ACOT9: variants seen among roughly 807,000 people sequenced by gnomAD.
ACOT9 encodes acyl-coenzyme A thioesterase 9, mitochondrial.
In ACOT9, 34 loss-of-function variants were observed where a neutral mutation model predicts 39.7. The ratio of observed to expected loss-of-function variants is 0.86; its 90% CI spans 0.65 to 1.14. The LOEUF (loss-of-function observed/expected upper bound fraction) is 1.14, where lower values mean the gene tolerates loss of function less well. ACOT9 is among the 50% of genes most tolerant of loss of function. The pLI, the probability that ACOT9 is intolerant of heterozygous loss-of-function variation, is 0.00. For missense variants in ACOT9, 313 were observed against 344.1 expected, an observed-to-expected ratio of 0.91 and a Z score of 0.71; for synonymous variants, 110 against 120.5, an observed-to-expected ratio of 0.91 and a Z score of 0.57.
At chrX:23,727,663 T>C (rs1253795710) in intron 6 of ACOT9, among the ~76,000 whole-genome samples, 2 of 109,287 alleles carry the variant, frequency 1.8e-5, no homozygotes, top group African/African-American at 3.3e-5. Flanking sequence ...TAGAGAAAAG[T>C]AGTTGCTAGG....
At chrX:23,718,593 G>T (rs1280274145) in intron 8 of ACOT9, among the ~76,000 whole-genome samples, 2 of 112,059 alleles carry the variant, frequency 1.8e-5, no homozygotes, top group African/African-American at 3.2e-5. Flanking sequence ...AATTAACCAA[G>T]AATATTTTTT....
chrX:23,731,007 A>G (rs371970380), intron 4 of ACOT9, 21 bp from the exon 5 acceptor site: 1 of 1,193,327 alleles, frequency 8.4e-7, no homozygotes, highest in East Asian at 3.0e-5. Context: ...AGGATGCAGG[A>G]TTCATAAAAC....
chrX:23,706,664 G>C lies in ACOT9; in HGVS notation c.806C>G (p.Thr269Ser). 8.3e-7 allele frequency: 1 copy of C among 1,205,791 alleles called. No individual in the cohort carries two copies. The highest frequency in any genetic ancestry group is 1.1e-6 in the Non-Finnish European group (1 of 892,033). ...TGTGCTGAGAAACATCTCATGTATGGTGGTCCTCTCCTCAGCGCTGGGGGC... is the reference window on the plus strand; with the variant it reads ...TGTGCTGAGAAACATCTCATGTATGCTGGTCCTCTCCTCAGCGCTGGGGGC... ...KMAPSAEERT[T>S]IHEMFLSTLD... The change falls in exon 11 of 16, where the codon ACC (threonine) becomes AGC (serine). Residue 269 changes from threonine (T) to serine (S), a missense_variant. Coordinates refer to ENST00000379303, the MANE Select transcript of ACOT9 (RefSeq NM_001037171.2).
intron 4 of ACOT9, among the ~76,000 whole-genome samples, chrX:23,731,234 G>C (rs920516767): frequency 1.2e-4 from 13 of 112,067 alleles, no homozygotes; most frequent in Non-Finnish European, 2.1e-4. Context: ...CCAGCATTTT[G>C]GGAGGCCAAG....
intron 15 of ACOT9, among the ~76,000 whole-genome samples, 176 bp downstream of exon 15, chrX:23,704,518 C>T (rs1438811797): frequency 1.8e-5 from 2 of 110,338 alleles, no homozygotes; most frequent in East Asian, 2.9e-4. Flanking sequence ...GTTGCTTGCC[C>T]GCCTGGGGGC....
At chrX:23,735,026 A>G (rs1427023852) in intron 2 of ACOT9, among the ~76,000 whole-genome samples, 1 of 99,570 alleles carries the variant, frequency 1.0e-5, no homozygotes, top group Non-Finnish European at 2.0e-5. Context: ...TAATCCCAGC[A>G]CTTTGGGAGG....
intron 8 of ACOT9, among the ~76,000 whole-genome samples, chrX:23,713,644 A>G (rs1374281940): frequency 9.1e-6 from 1 of 110,335 alleles, no homozygotes; most frequent in Non-Finnish European, 1.9e-5. Context: ...ACCGTCTGCT[A>G]AGGGCCTACC....
intron 15 of ACOT9, 67 bp from the exon 16 acceptor site, chrX:23,704,049 C>G (rs150025999): frequency 2.2e-6 from 2 of 921,802 alleles, no homozygotes; most frequent in African/African-American, 3.9e-5. Flanking sequence ...TATCATCATA[C>G]AAACACAAGA....
chrX:23,733,629 A>C (rs928672545), intron 3 of ACOT9, among the ~76,000 whole-genome samples: 2 of 111,729 alleles, frequency 1.8e-5, no homozygotes, highest in Non-Finnish European at 3.8e-5. Context: ...CCCAGGCTAG[A>C]GTTCGGTGGC....
At chrX:23,706,367 C>T (rs1261816044) in intron 11 of ACOT9, among the ~76,000 whole-genome samples, 1 of 109,337 alleles carries the variant, frequency 9.1e-6, no homozygotes, top group African/African-American at 3.3e-5. Flanking sequence ...CAAGACAAGC[C>T]TGACCAACAT....
chrX:23,739,115 G>A (rs1343555441), intron 1 of ACOT9, among the ~76,000 whole-genome samples: 6 of 111,060 alleles, frequency 5.4e-5, no homozygotes, highest in African/African-American at 2.0e-4. Context: ...AAAATTAGCT[G>A]GGCATGCTGG....
intron 8 of ACOT9, among the ~76,000 whole-genome samples, chrX:23,720,499 G>C (rs1469081048): frequency 9.0e-6 from 1 of 111,520 alleles, no homozygotes; most frequent in Non-Finnish European, 1.9e-5. Context: ...AGACACCAGA[G>C]AGACAGAGAC....
Position 23,704,729 on chromosome X carries a change from T to C in ACOT9, c.1223A>G (p.Lys408Arg), listed in dbSNP as rs756334925. Residue 408 changes from lysine to arginine, a missense_variant, in exon 15 of 16, where the codon AAA (lysine) becomes AGA (arginine). Transcript: ENST00000379303. ...NVFHFTFMSE[K>R]EVPLVFPKTY... The stretch of plus-strand genomic sequence containing the variant: ...TTTTGGGAAAACCAATGGCACTTCT[T>C]TTTCCGACATGAACGTGAAATGAAA... The C allele has an allele frequency of 8.7e-5, 105 of 1,210,157 alleles. No individual in the cohort carries two copies. Among genetic ancestry groups the C allele is most frequent in the Non-Finnish European group, 1.1e-4 (102 of 895,233 alleles).
At chrX:23,718,379 T>C (rs1384180350) in intron 8 of ACOT9, among the ~76,000 whole-genome samples, 2 of 111,996 alleles carry the variant, frequency 1.8e-5, no homozygotes, top group Non-Finnish European at 3.8e-5. Context: ...ACTCGAGTCA[T>C]GAGTTATTAG....
At chrX:23,722,564 CA>C (rs55779124) in intron 7 of ACOT9, 105 bp downstream of exon 7, 10,654 of 443,704 alleles carry the variant, frequency 0.024, no homozygotes, top group East Asian at 0.028. Context: ...AACTCCGTCT[CA>C]AAAAAAAAAA....
At chrX:23,710,017 C>T (rs57527668) in intron 9 of ACOT9, among the ~76,000 whole-genome samples, 1 of 111,454 alleles carries the variant, frequency 9.0e-6, no homozygotes, top group African/African-American at 3.3e-5. Flanking sequence ...CCTCCCACAT[C>T]GTCTGGGACT....
At chrX:23,739,674 G>A (rs1930066665) in intron 1 of ACOT9, among the ~76,000 whole-genome samples, 1 of 110,702 alleles carries the variant, frequency 9.0e-6, no homozygotes, top group African/African-American at 3.3e-5. Flanking sequence ...GCACACTTGT[G>A]GTCACAGCTA....
chrX:23,707,254 T>C (rs1172167176), intron 10 of ACOT9: 2 of 108,506 alleles, frequency 1.8e-5, no homozygotes, highest in Admixed American at 1.0e-4. Context: ...TTGTTCATTG[T>C]AGCCTCAAAC....
At chrX:23,704,329 C>T (rs1928593621) in intron 15 of ACOT9, among the ~76,000 whole-genome samples, 1 of 94,463 alleles carries the variant, frequency 1.1e-5, no homozygotes, top group Non-Finnish European at 2.2e-5. Context: ...CGCCACCGTG[C>T]CCGGCTAATT....
Sources: gnomAD v4.1 joint callset for allele counts (sites outside exome capture counted in the v4.1 genomes callset) on GRCh38, gnomAD v4.1.1 for gene constraint, MANE v1.5 for transcripts, NCBI Gene and HGNC (gene_info 2026-07-23, HGNC 2026-07-21) for gene names.